HS6ST2: variants seen among roughly 807,000 people sequenced by gnomAD.
HS6ST2 encodes the protein heparan-sulfate 6-O-sulfotransferase 2.
Under a neutral mutation model 33.0 loss-of-function variants are expected in HS6ST2, and 17 were observed. That is an observed-to-expected ratio of 0.52 (90% CI 0.35 to 0.77). The LOEUF is 0.77. HS6ST2 is among the 30% of genes least tolerant of loss of function. The probability of loss-of-function intolerance (pLI) is 0.01; values close to 1 mark genes in which losing one functional copy is unlikely to be tolerated. For synonymous variants in HS6ST2, 248 were observed against 237.1 expected (o/e 1.05, Z -0.42); for missense variants, 519 against 551.7 (o/e 0.94, Z 0.59).
chrX:132,909,196 T>C (rs1258479365), intron 2 of HS6ST2, among the ~76,000 whole-genome samples: 1 of 111,387 alleles, frequency 9.0e-6, no homozygotes, highest in African/African-American at 3.3e-5. Flanking sequence ...CAAATTCTGC[T>C]CTAATTAAGT....
chrX:132,940,931 A>ACATTCTCTAGAGAAGG (rs2066880232), intron 2 of HS6ST2, among the ~76,000 whole-genome samples: 1 of 111,713 alleles, frequency 9.0e-6, no homozygotes, highest in Non-Finnish European at 1.9e-5. Context: ...GACCTCTGTG[A>ACATTCTCTAGAGAAGG]CATTCTCTAG....
intron 2 of HS6ST2, among the ~76,000 whole-genome samples, chrX:132,833,651 C>T (rs766402692): frequency 6.3e-5 from 7 of 111,249 alleles, no homozygotes; most frequent in African/African-American, 2.3e-4. Context: ...CAGGAGGCTT[C>T]CAGGAGCATT....
chrX:132,698,190 A>G (rs2064117252), intron 3 of HS6ST2, among the ~76,000 whole-genome samples: 1 of 112,144 alleles, frequency 8.9e-6, no homozygotes, highest in South Asian at 3.7e-4. Flanking sequence ...AGCATTCTAC[A>G]GATTTATTTG....
intron 2 of HS6ST2, among the ~76,000 whole-genome samples, chrX:132,838,348 T>C (rs1309737119): frequency 8.9e-6 from 1 of 111,761 alleles, no homozygotes; most frequent in Non-Finnish European, 1.9e-5. Context: ...TGAAAGCAAG[T>C]AGGTCATTAG....
chrX:132,717,174 T>C (rs145398018), intron 2 of HS6ST2, among the ~76,000 whole-genome samples: 1,524 of 113,261 alleles, frequency 0.013, 17 homozygotes, highest in South Asian at 0.078. Flanking sequence ...ATATGTCACC[T>C]GCTTTCAGCA....
At chrX:132,908,992 A>C (rs1392179610) in intron 2 of HS6ST2, among the ~76,000 whole-genome samples, 3 of 76,892 alleles carry the variant, frequency 3.9e-5, no homozygotes, top group Non-Finnish European at 7.3e-5. Context: ...AACTCCACTG[A>C]AAAAAAAAAA....
intron 4 of HS6ST2, among the ~76,000 whole-genome samples, chrX:132,641,118 G>T (rs761112373): frequency 1.8e-5 from 2 of 112,239 alleles, no homozygotes; most frequent in Non-Finnish European, 3.8e-5. Context: ...TTATAAGCGA[G>T]AACATGAAAT....
chrX:132,891,631 C>T (rs1303487659), intron 2 of HS6ST2, among the ~76,000 whole-genome samples: 2 of 110,327 alleles, frequency 1.8e-5, no homozygotes, highest in Non-Finnish European at 3.8e-5. Context: ...TGAGAACATG[C>T]GGTGTTTGAT....
intron 2 of HS6ST2, among the ~76,000 whole-genome samples, chrX:132,804,951 T>C (rs2065267260): frequency 9.0e-6 from 1 of 111,538 alleles, no homozygotes; most frequent in South Asian, 3.8e-4. Flanking sequence ...AAAATGGAAG[T>C]CCACTGCTAC....
intron 2 of HS6ST2, among the ~76,000 whole-genome samples, chrX:132,730,173 G>T (rs1351811973): frequency 9.0e-6 from 1 of 111,601 alleles, no homozygotes; most frequent in East Asian, 2.8e-4. Context: ...CTTCTTCAGG[G>T]AGCTTCTCTT....
intron 2 of HS6ST2, among the ~76,000 whole-genome samples, chrX:132,760,183 C>T (rs921665584): frequency 9.0e-6 from 1 of 111,172 alleles, no homozygotes; most frequent in African/African-American, 3.3e-5. Context: ...GTGACTACAG[C>T]ATTGGCCACC....
Position 132,835,773 on chromosome X carries a change from G to A in HS6ST2, c.947+121035C>T, listed in dbSNP as rs1035543152. On this transcript the variant is annotated intron_variant, in intron 2 of 4. Coordinates refer to ENST00000370833, the MANE Select transcript of HS6ST2 (RefSeq NM_001394073.1). The stretch of plus-strand genomic sequence containing the variant: ...TCCACTAAAAATACAAAAATTAGCC[G>A]GGCAAGGTGGCAGGCGCCTGTAATC... Among the ~76,000 whole-genome samples, 5 of 111,497 alleles carry A rather than the reference G, an allele frequency of 4.5e-5. No individual in the cohort carries two copies. In the South Asian group the frequency reaches 1.1e-3, roughly 26 times the overall value.
At chrX:132,883,793 G>A (rs964546480) in intron 2 of HS6ST2, among the ~76,000 whole-genome samples, 4 of 111,290 alleles carry the variant, frequency 3.6e-5, no homozygotes, top group Admixed American at 9.6e-5. Flanking sequence ...GCTTTCACTC[G>A]TGATAAGCAC....
chrX:132,787,176 T>TATATATATATACATATATATATACAC (rs1569490882), intron 2 of HS6ST2, among the ~76,000 whole-genome samples: 28 of 83,383 alleles, frequency 3.4e-4, no homozygotes, highest in Non-Finnish European at 4.4e-4. Flanking sequence ...TGTATATATA[T>TATATATATATACATATATATATACAC]ATATATATAT....
At chrX:132,929,492 C>T (rs2066743126) in intron 2 of HS6ST2, among the ~76,000 whole-genome samples, 1 of 109,832 alleles carries the variant, frequency 9.1e-6, no homozygotes, top group African/African-American at 3.3e-5. Flanking sequence ...ATACATAAAA[C>T]AAGCAAAAGA....
intron 2 of HS6ST2, among the ~76,000 whole-genome samples, chrX:132,889,475 G>A (rs751522541): frequency 3.6e-5 from 4 of 111,020 alleles, no homozygotes; most frequent in Non-Finnish European, 5.7e-5. Context: ...CAAAGGGAAC[G>A]GTATGAAGAT....
chrX:132,876,478 C>T (rs1412804689), intron 2 of HS6ST2, among the ~76,000 whole-genome samples: 4 of 111,902 alleles, frequency 3.6e-5, no homozygotes, highest in African/African-American at 1.3e-4. Context: ...TAGGTGTTTA[C>T]CATTAGGATT....
At chrX:132,693,488 G>A (rs894671773) in intron 3 of HS6ST2, among the ~76,000 whole-genome samples, 1 of 111,571 alleles carries the variant, frequency 9.0e-6, no homozygotes, top group Non-Finnish European at 1.9e-5. Context: ...AGCCTGGAAG[G>A]GGGGCAAGAT....
chrX:132,708,671 G>A (rs1267922210), intron 2 of HS6ST2, 177 bp from the exon 3 acceptor site: 2 of 405,439 alleles, frequency 4.9e-6, no homozygotes, highest in African/African-American at 5.1e-5. Flanking sequence ...TCAAGTAATG[G>A]GGAGATTCCC....
Sources: gnomAD v4.1 joint callset for allele counts (sites outside exome capture counted in the v4.1 genomes callset) on GRCh38, gnomAD v4.1.1 for gene constraint, MANE v1.5 for transcripts, NCBI Gene and HGNC (gene_info 2026-07-23, HGNC 2026-07-21) for gene names.